ARHGAP35: variants seen among roughly 807,000 people sequenced by gnomAD.
ARHGAP35 encodes the protein rho GTPase-activating protein 35.
A neutral mutation model predicts 111.1 loss-of-function variants in ARHGAP35; 15 were observed. The observed-to-expected ratio is 0.13, with a 90% CI of 0.09 to 0.21. ARHGAP35 has a LOEUF of 0.21. Ranked by LOEUF, ARHGAP35 falls within the 10% of genes least tolerant of loss-of-function variation. ARHGAP35 has a pLI of 1.00. For missense variants in ARHGAP35, 1,262 were observed against 1,873.0 expected, an observed-to-expected ratio of 0.67 and a Z score of 6.02; for synonymous variants, 643 against 710.3, an observed-to-expected ratio of 0.91 and a Z score of 1.51.
chr19:46,891,418 C>A (rs558481009), intron 1 of ARHGAP35, among the ~76,000 whole-genome samples: 7 of 150,210 alleles, frequency 4.7e-5, no homozygotes, highest in Admixed American at 4.0e-4. Flanking sequence ...TTTGCTAGGG[C>A]AAGTTTTTTT....
intron 1 of ARHGAP35, among the ~76,000 whole-genome samples, chr19:46,906,669 C>T (rs912676569): frequency 2.6e-5 from 4 of 152,210 alleles, no homozygotes; most frequent in African/African-American, 9.6e-5. Flanking sequence ...TTCTTAGCTT[C>T]TTAGCCTTAG....
intron 1 of ARHGAP35, among the ~76,000 whole-genome samples, chr19:46,912,545 A>C (rs1055874392): frequency 3.3e-5 from 5 of 150,676 alleles, no homozygotes; most frequent in Non-Finnish European, 7.4e-5. Context: ...TTTAGTAGAG[A>C]CAGGATTTCA....
At chr19:46,938,457 G>A (rs1326120999) in intron 3 of ARHGAP35, among the ~76,000 whole-genome samples, 2 of 151,964 alleles carry the variant, frequency 1.3e-5, no homozygotes, top group Non-Finnish European at 2.9e-5. Flanking sequence ...AGGTTCAAGC[G>A]ATTCTCCTGC....
intron 3 of ARHGAP35, chr19:46,948,019 T>C (rs909004221): frequency 6.6e-6 from 1 of 152,266 alleles, no homozygotes; most frequent in African/African-American, 2.4e-5. Context: ...GGAAGCTCTC[T>C]GAACCCTGTC....
chr19:46,880,185 C>T (rs1347812962), intron 1 of ARHGAP35, among the ~76,000 whole-genome samples: 1 of 152,164 alleles, frequency 6.6e-6, no homozygotes, highest in Non-Finnish European at 1.5e-5. Context: ...GTAATCCCAA[C>T]ACTTCGGGAG....
intron 3 of ARHGAP35, among the ~76,000 whole-genome samples, chr19:46,938,509 C>T (rs1372218718): frequency 1.3e-5 from 2 of 150,564 alleles, no homozygotes; most frequent in Non-Finnish European, 3.0e-5. Context: ...CCCGCCATGA[C>T]GCCCAACTAA....
chr19:46,880,874 C>T (rs1038663491), intron 1 of ARHGAP35, among the ~76,000 whole-genome samples: 5 of 149,756 alleles, frequency 3.3e-5, no homozygotes, highest in African/African-American at 1.2e-4. Flanking sequence ...TGGAGTCTTA[C>T]TACATTGCCT....
intron 1 of ARHGAP35, among the ~76,000 whole-genome samples, chr19:46,900,598 G>C (rs182679621): frequency 6.6e-6 from 1 of 152,090 alleles, no homozygotes; most frequent in Non-Finnish European, 1.5e-5. Context: ...AATTACTTGT[G>C]GACAGGTTTT....
chr19:46,932,435 T>C (rs1488906335), intron 2 of ARHGAP35, among the ~76,000 whole-genome samples: 1 of 152,178 alleles, frequency 6.6e-6, no homozygotes, highest in African/African-American at 2.4e-5. Context: ...TTTCTCCTTT[T>C]CAAGGACCTG....
Position 46,926,785 on chromosome 19 carries a change from CT to C in ARHGAP35, c.3681+4430del, listed in dbSNP as rs1157954704. Among the ~76,000 whole-genome samples, 1 of 152,190 alleles carries C rather than the reference CT, an allele frequency of 6.6e-6. No individual in the cohort carries two copies. The highest frequency in any genetic ancestry group is 1.5e-5 in the Non-Finnish European group (1 of 68,030). ...CCAGTTTGACAGTTTGTGTCCCCCC[CT>C]AGTGAATTGGCTTATTTCATTGGAT... On this transcript the variant is annotated intron_variant, in intron 2 of 6. Coordinates refer to ENST00000672722, the MANE Select transcript of ARHGAP35 (RefSeq NM_004491.5). This position sits in a 1 kb window ranked among gnomAD's most constrained non-coding sequence, Gnocchi z 4.1.
intron 1 of ARHGAP35, among the ~76,000 whole-genome samples, chr19:46,879,514 G>A (rs557664291): frequency 7.2e-5 from 6 of 83,378 alleles, no homozygotes; most frequent in Non-Finnish European, 1.6e-4. Flanking sequence ...TTGAACCCGG[G>A]AGGAAGAGGT....
At chr19:46,876,065 A>G (rs1490559872) in intron 1 of ARHGAP35, among the ~76,000 whole-genome samples, 2 of 151,704 alleles carry the variant, frequency 1.3e-5, no homozygotes, top group Admixed American at 6.6e-5. Context: ...GGCCCTTTAA[A>G]CTCTTGGTGC....
chr19:46,985,271 G>A (rs1272183635), intron 3 of ARHGAP35, among the ~76,000 whole-genome samples: 5 of 152,202 alleles, frequency 3.3e-5, no homozygotes, highest in Non-Finnish European at 7.3e-5. Context: ...GCAGGGTCTC[G>A]ACAGCACAGG....
chr19:46,972,100 C>T (rs1478642843), intron 3 of ARHGAP35, among the ~76,000 whole-genome samples: 1 of 152,216 alleles, frequency 6.6e-6, no homozygotes, highest in Non-Finnish European at 1.5e-5. Flanking sequence ...ACCTCCGCCT[C>T]CCGGGTTCAA....
rs117262222 is a variant in ARHGAP35, at chr19:46,901,008, T to G, written c.-188-17480T>G. The stretch of plus-strand genomic sequence containing the variant: ...CTAAGTTTGCTTTGTAATTGTCTGT[T>G]TCCCTCTGCTAGAATTTAAGTTCCA... On this transcript the variant is annotated intron_variant, in intron 1 of 6. Coordinates refer to ENST00000672722, the MANE Select transcript of ARHGAP35 (RefSeq NM_004491.5). The surrounding 1 kb of genome is among the most constrained non-coding windows in gnomAD (Gnocchi z 4.5). 1.4e-3 allele frequency among the ~76,000 whole-genome samples: 216 copies of G among 152,344 alleles called. 1 individual carries two copies. The South Asian group carries it at 0.022, about 16-fold the overall frequency.
chr19:46,884,481 A>G (rs1350053523), intron 1 of ARHGAP35, among the ~76,000 whole-genome samples: 1 of 151,420 alleles, frequency 6.6e-6, no homozygotes, highest in East Asian at 1.9e-4. Context: ...TCTATAAAAT[A>G]ATGATGATAT....
chr19:46,947,947 G>A (rs1022863994), intron 3 of ARHGAP35: 1 of 152,210 alleles, frequency 6.6e-6, no homozygotes, highest in African/African-American at 2.4e-5. Context: ...GAGGTACAGG[G>A]GAAGGTCGTG....
chr19:46,862,277 G>A (rs1568455778), intron 1 of ARHGAP35, among the ~76,000 whole-genome samples: 1 of 152,006 alleles, frequency 6.6e-6, no homozygotes. Flanking sequence ...AACTCAGACT[G>A]CCTTCAGTTT....
In ARHGAP35 at chr19:46,999,747, C is replaced by G. The variant is rs1163144294; in HGVS notation, c.4142+338C>G. The G allele has an allele frequency of 3.3e-6, 1 of 298,780 alleles. No individual in the cohort carries two copies. 18.5% of individuals were successfully genotyped at this position (298,780 alleles called of 1,614,324 possible). On this transcript the variant is annotated intron_variant, in intron 6 of 6. Coordinates refer to ENST00000672722, the MANE Select transcript of ARHGAP35 (RefSeq NM_004491.5). This position sits in a 1 kb window ranked among gnomAD's most constrained non-coding sequence, Gnocchi z 5.4. ...GAGAGAGAAGATCTTCTGGTTGGTACTGATGCTCCAGAAATCTTCTCCTGA... is the reference window on the plus strand; with the variant it reads ...GAGAGAGAAGATCTTCTGGTTGGTAGTGATGCTCCAGAAATCTTCTCCTGA...
Sources: allele counts gnomAD v4.1 joint callset (sites outside exome capture counted in the v4.1 genomes callset), GRCh38; gene constraint gnomAD v4.1.1; non-coding constraint Gnocchi (gnomAD v3.1); transcripts MANE v1.5; gene names NCBI Gene and HGNC (gene_info 2026-07-23, HGNC 2026-07-21).